Variants in AJAP1 observed in about 807,000 individuals in gnomAD.
AJAP1 encodes the protein adherens junction-associated protein 1.
A neutral mutation model predicts 35.0 loss-of-function variants in AJAP1; 5 were observed. The ratio of observed to expected loss-of-function variants is 0.14; its 90% confidence interval spans 0.07 to 0.30. The LOEUF is 0.30. AJAP1 is among the 10% of genes least tolerant of loss of function. AJAP1 has a pLI of 1.00. For missense variants in AJAP1, 586 were observed against 571.0 expected (o/e 1.03, Z -0.27); for synonymous variants, 284 against 249.3 (o/e 1.14, Z -1.31).
rs979233524 is a variant in AJAP1, at chr1:4,786,425, G to A, written c.*3940G>A. On this transcript the variant is annotated 3_prime_UTR_variant, in exon 6 of 6. Coordinates refer to ENST00000378191, the MANE Select transcript of AJAP1 (RefSeq NM_018836.4). ...CCCACTCTTTGAATCGGGACACCAG[G>A]AAACCCGTTACTACTAATGTGATCT... is the stretch of plus-strand genomic sequence containing the variant. 1 of 152,166 alleles carries A rather than the reference G, an allele frequency of 6.6e-6. No individual in the cohort carries two copies. The highest frequency in any genetic ancestry group is 2.4e-5 in the African/African-American group (1 of 41,428). 9.4% of individuals were successfully genotyped at this position (152,166 alleles called of 1,614,324 possible).
At chr1:4,755,120 G>A (rs115318648) in intron 2 of AJAP1, among the ~76,000 whole-genome samples, 2,018 of 152,324 alleles carry the variant, frequency 0.013, 35 homozygotes, top group African/African-American at 0.046. Flanking sequence ...GGTGGGAGAA[G>A]GGGCACCAGG....
chr1:4,691,990 C>T (rs185467137), intron 1 of AJAP1, among the ~76,000 whole-genome samples: 408 of 152,148 alleles, frequency 2.7e-3, no homozygotes, highest in Admixed American at 5.3e-3. Flanking sequence ...GGGGTGGGGA[C>T]GGGGTTGGAG....
Position 4,717,680 on chromosome 1 carries a change from G to A in AJAP1, c.829+4981G>A, listed in dbSNP as rs144528475. ...CTCGGTAAGCACAGGTGACAAGCTGGTGTCATTTTCTCTGCACCCCAGCCG... is the reference window on the plus strand; with the variant it reads ...CTCGGTAAGCACAGGTGACAAGCTGATGTCATTTTCTCTGCACCCCAGCCG... On this transcript the variant is annotated intron_variant, in intron 2 of 5. Coordinates refer to ENST00000378191, the MANE Select transcript of AJAP1 (RefSeq NM_018836.4). Among the ~76,000 whole-genome samples, 232 of 152,282 alleles carry A rather than the reference G, an allele frequency of 1.5e-3. 1 individual carries two copies. Among genetic ancestry groups the A allele is most frequent in the African/African-American group, 5.0e-3 (207 of 41,564 alleles).
At chr1:4,732,476 C>T (rs938594006) in intron 2 of AJAP1, among the ~76,000 whole-genome samples, 3 of 152,260 alleles carry the variant, frequency 2.0e-5, no homozygotes, top group Non-Finnish European at 4.4e-5. Flanking sequence ...GGGCCCCCTC[C>T]CTCACATGGC....
At chr1:4,755,950 G>A (rs1450425154) in intron 2 of AJAP1, among the ~76,000 whole-genome samples, 1 of 152,122 alleles carries the variant, frequency 6.6e-6, no homozygotes, top group Non-Finnish European at 1.5e-5. Context: ...GGTGAAGGAT[G>A]ACAACGGATC....
intron 3 of AJAP1, 73 bp from the exon 4 acceptor site, chr1:4,772,207 T>G: frequency 6.3e-7 from 1 of 1,588,858 alleles, no homozygotes. Flanking sequence ...AGACCCACAG[T>G]GGAAGTCTGG....
intron 1 of AJAP1, among the ~76,000 whole-genome samples, chr1:4,685,390 GA>G (rs1639582353): frequency 6.6e-6 from 1 of 152,186 alleles, no homozygotes; most frequent in Non-Finnish European, 1.5e-5. Flanking sequence ...CCCTTTGATG[GA>G]ACAAGTGTCA....
At chr1:4,724,835 G>A (rs1640612201) in intron 2 of AJAP1, among the ~76,000 whole-genome samples, 1 of 152,194 alleles carries the variant, frequency 6.6e-6, no homozygotes, top group Non-Finnish European at 1.5e-5. Flanking sequence ...CAATCTTTAG[G>A]TGAAAGAGAA....
chr1:4,778,217 A>G (rs1233649660), intron 5 of AJAP1, among the ~76,000 whole-genome samples: 1 of 152,142 alleles, frequency 6.6e-6, no homozygotes, highest in African/African-American at 2.4e-5. Context: ...TGCAAGATAC[A>G]TACAGCTTCC....
At chr1:4,762,065 A>G (rs888221375) in intron 2 of AJAP1, among the ~76,000 whole-genome samples, 1 of 152,186 alleles carries the variant, frequency 6.6e-6, no homozygotes, top group African/African-American at 2.4e-5. Context: ...CATCTCCTGA[A>G]ATTATACATA....
rs1638852124 is a variant in AJAP1, at chr1:4,655,302, G to C, written c.-124G>C. The C allele has an allele frequency of 5.5e-6, 4 of 729,960 alleles. No homozygotes were observed. The South Asian group carries it at 1.9e-4, about 34-fold the overall frequency. The allele number at this position is 729,960 out of a possible 1,614,324, so 45.2% of individuals were successfully genotyped here. On this transcript the variant is annotated 5_prime_UTR_variant, in exon 1 of 6. Coordinates refer to ENST00000378191, the MANE Select transcript of AJAP1 (RefSeq NM_018836.4). The surrounding 1 kb of genome is among the most constrained non-coding windows in gnomAD (Gnocchi z 6.9). ...TCGCTGTGCGCCCCGCGGCCGGCGG[G>C]CGGCGGGAGGCGGCGGACCGAGAGC...
At position 4,655,513 on chromosome 1, in the gene AJAP1, A is replaced by T; in HGVS notation, c.29+59A>T. The T allele has an allele frequency of 6.5e-7, 1 of 1,540,640 alleles. No homozygotes were observed. Among genetic ancestry groups the T allele is most frequent in the East Asian group, 2.6e-5 (1 of 38,508 alleles). Reference sequence around the variant, plus strand: ...GCGCGTGGGTGCCAGGCTGGGCGGAAGCGGCGCTTTCCTCTATGTTGCAAA... The same window carrying T: ...GCGCGTGGGTGCCAGGCTGGGCGGATGCGGCGCTTTCCTCTATGTTGCAAA... On this transcript the variant is annotated intron_variant, in intron 1 of 5. Transcript: ENST00000378191. This position sits in a 1 kb window ranked among gnomAD's most constrained non-coding sequence, Gnocchi z 6.9.
At chr1:4,741,107 A>C (rs538989981) in intron 2 of AJAP1, among the ~76,000 whole-genome samples, 2 of 152,196 alleles carry the variant, frequency 1.3e-5, no homozygotes, top group South Asian at 4.1e-4. Flanking sequence ...GGTCTGCCTC[A>C]CGCAGGGGTT....
At chr1:4,711,026 G>A (rs930633441) in intron 1 of AJAP1, 9 of 152,266 alleles carry the variant, frequency 5.9e-5, no homozygotes, top group Admixed American at 2.6e-4. Flanking sequence ...CAGCCCTCCG[G>A]GGAGCTGAGG....
At chr1:4,748,065 G>A (rs116021273) in intron 2 of AJAP1, among the ~76,000 whole-genome samples, 1,692 of 149,282 alleles carry the variant, frequency 0.011, 25 homozygotes, top group African/African-American at 0.04. Flanking sequence ...CTGTGTCCCC[G>A]CACCCAGATT....
chr1:4,749,542 C>G (rs957194098), intron 2 of AJAP1, among the ~76,000 whole-genome samples: 1 of 152,170 alleles, frequency 6.6e-6, no homozygotes, highest in Admixed American at 6.5e-5. Context: ...GGCAACCCAG[C>G]CCTCCACGGA....
intron 2 of AJAP1, among the ~76,000 whole-genome samples, chr1:4,727,854 T>C (rs1383574154): frequency 1.3e-5 from 2 of 152,228 alleles, no homozygotes; most frequent in East Asian, 3.9e-4. Flanking sequence ...AGAGGCCTAG[T>C]GCTCGGTCCT....
chr1:4,740,024 A>C (rs1017907044), intron 2 of AJAP1, among the ~76,000 whole-genome samples: 2 of 152,166 alleles, frequency 1.3e-5, no homozygotes, highest in African/African-American at 4.8e-5. Flanking sequence ...GGGTGTATCT[A>C]AAAGAATTTA....
At chr1:4,697,052 GTGTA>G (rs1156402636) in intron 1 of AJAP1, among the ~76,000 whole-genome samples, 1 of 152,116 alleles carries the variant, frequency 6.6e-6, no homozygotes, top group Non-Finnish European at 1.5e-5. Flanking sequence ...GTGTTTGTGT[GTGTA>G]TGTTAGTTTG....
Sources: gnomAD v4.1 joint callset for allele counts (sites outside exome capture counted in the v4.1 genomes callset) on GRCh38, gnomAD v4.1.1 for gene constraint, Gnocchi (gnomAD v3.1) non-coding constraint, MANE v1.5 for transcripts, NCBI Gene and HGNC (gene_info 2026-07-23, HGNC 2026-07-21) for gene names.